Variants in MYO9A observed in about 807,000 individuals in gnomAD.
The protein encoded by MYO9A is unconventional myosin-IXa.
MYO9A carries 103 observed loss-of-function variants against 293.3 expected under a neutral mutation model. The observed-to-expected ratio is 0.35, with a 90% CI of 0.30 to 0.41. The LOEUF is 0.41. Among genes scored for constraint, MYO9A ranks in the 10% least tolerant of loss-of-function variants. MYO9A has a pLI of 1.00. For synonymous variants in MYO9A, 1,001 were observed against 1,035.7 expected, an observed-to-expected ratio of 0.97 and a Z score of 0.64; for missense variants, 2,685 against 3,033.0, an observed-to-expected ratio of 0.89 and a Z score of 2.69.
chr15:72,009,634 A>G (rs189759109), intron 7 of MYO9A, among the ~76,000 whole-genome samples: 267 of 152,036 alleles, frequency 1.8e-3, no homozygotes, highest in African/African-American at 6.1e-3. Context: ...GGATCATCTG[A>G]GCCTGGGGAG....
At chr15:72,032,399 A>G in intron 3 of MYO9A, 95 bp downstream of exon 3, 1 of 723,898 alleles carries the variant, frequency 1.4e-6, no homozygotes, top group Non-Finnish European at 2.1e-6. Flanking sequence ...GCTGACACCA[A>G]TGTCTGGGAA....
intron 37 of MYO9A, among the ~76,000 whole-genome samples, chr15:71,850,431 T>C (rs972719069): frequency 9.2e-5 from 14 of 152,154 alleles, no homozygotes; most frequent in Non-Finnish European, 1.6e-4. Context: ...ATTTGTGACC[T>C]ACCTGCTCTA....
chr15:72,091,861 C>T (rs1303105349), intron 1 of MYO9A, among the ~76,000 whole-genome samples: 1 of 151,884 alleles, frequency 6.6e-6, no homozygotes, highest in Non-Finnish European at 1.5e-5. Context: ...ACTACAGGTG[C>T]CCGCCACCAC....
intron 15 of MYO9A, among the ~76,000 whole-genome samples, chr15:71,944,939 A>C (rs149194894): frequency 1.8e-4 from 28 of 152,294 alleles, no homozygotes; most frequent in Non-Finnish European, 3.2e-4. Context: ...CATCTCAAAA[A>C]TACAAACATA....
intron 2 of MYO9A, among the ~76,000 whole-genome samples, chr15:72,042,183 CAAAAA>C (rs769890860): frequency 1.8e-5 from 1 of 55,362 alleles, no homozygotes; most frequent in Non-Finnish European, 3.9e-5. Context: ...AGATAGAATG[CAAAAA>C]AAAAAAAAAA....
In MYO9A at chr15:71,877,838, C is replaced by T. The variant is rs774693693; in HGVS notation, c.5931+202G>A. Among the ~76,000 whole-genome samples, 16 of 152,078 alleles carry T rather than the reference C, an allele frequency of 1.1e-4. No individual in the cohort carries two copies. In the South Asian group the frequency reaches 1.2e-3, roughly 12 times the overall value. On this transcript the variant is annotated intron_variant, in intron 31 of 41. Transcript: ENST00000356056. ...CAGTGAACAAAGTATTGATTACAGA[C>T]GGTTTAGAAAATATGGTCTGATAAA...
intron 1 of MYO9A, among the ~76,000 whole-genome samples, chr15:72,061,750 G>A (rs1334750959): frequency 1.3e-5 from 2 of 152,138 alleles, no homozygotes; most frequent in Admixed American, 1.3e-4. Context: ...GACTCACCCT[G>A]GGCCAGAAGG....
At chr15:72,018,461 C>T (rs1342018296) in intron 6 of MYO9A, among the ~76,000 whole-genome samples, 1 of 151,502 alleles carries the variant, frequency 6.6e-6, no homozygotes, top group East Asian at 1.9e-4. Flanking sequence ...GACTCTGTCA[C>T]AAAAAATAAA....
rs113825080 is a variant in MYO9A at position 71,900,066 on chromosome 15, GA to G, written c.3151-61del. 13 of 1,400,320 alleles carry G rather than the reference GA, an allele frequency of 9.3e-6. No homozygotes were observed. The Admixed American group carries it at 1.9e-4, about 21-fold the overall frequency. The allele number at this position is 1,400,320 out of a possible 1,614,324, so 86.7% of individuals were successfully genotyped here. ...CATATCTTACACTGCATTTTCACAG[GA>G]AAAAAAGAGAATAAATTTCTTATGT... is the stretch of plus-strand genomic sequence containing the variant. On this transcript the variant is annotated intron_variant, in intron 23 of 41. Coordinates refer to ENST00000356056, the MANE Select transcript of MYO9A (RefSeq NM_006901.4).
chr15:71,997,633 C>CA (rs963557091), intron 9 of MYO9A, among the ~76,000 whole-genome samples: 9 of 149,332 alleles, frequency 6.0e-5, no homozygotes, highest in South Asian at 4.2e-4. Context: ...CAAAAATAAA[C>CA]AAAAAAAAAG....
intron 39 of MYO9A, among the ~76,000 whole-genome samples, chr15:71,842,618 G>T (rs1046730737): frequency 6.6e-6 from 1 of 152,086 alleles, no homozygotes; most frequent in Non-Finnish European, 1.5e-5. Flanking sequence ...CCAGCATTTT[G>T]GGAGGCTGAG....
intron 1 of MYO9A, among the ~76,000 whole-genome samples, chr15:72,088,262 A>G (rs1383272584): frequency 6.6e-6 from 1 of 152,222 alleles, no homozygotes; most frequent in East Asian, 1.9e-4. Context: ...ACAATTATTA[A>G]TATGTTCAAC....
In MYO9A at chr15:71,962,863, C is replaced by T. The variant is rs374645726; in HGVS notation, c.1987-2767G>A. The stretch of plus-strand genomic sequence containing the variant: ...TCAAGTGTTGAGAGTGACCAGTGAC[C>T]TTCATTTTCAAAATGAAATAATCTG... On this transcript the variant is annotated intron_variant, in intron 13 of 41. Transcript: ENST00000356056. Among the ~76,000 whole-genome samples the T allele has an allele frequency of 5.9e-5, 9 of 152,244 alleles. No homozygotes were observed. In the South Asian group the frequency reaches 1.2e-3, roughly 21 times the overall value.
Position 71,898,136 on chromosome 15 carries a change from G to T in MYO9A, c.4367C>A (p.Thr1456Asn). The change falls in exon 25 of 42, where the codon ACT (threonine) becomes AAT (asparagine). Residue 1456 changes from threonine (T) to asparagine (N), a missense_variant. By Grantham distance (65) the Thr-to-Asn change is moderately conservative (BLOSUM62 0). Around this residue, in one of 10 missense-constraint regions of MYO9A, gnomAD observed 1,434 missense variants for 1,497.7 expected, o/e 0.96. Transcript: ENST00000356056. The stretch of plus-strand genomic sequence containing the variant: ...TCTAGTTTCCCTGTTGATATCCAAA[G>T]TAAGAGCTTCCCCCGCTGTGTCTTC... ...ENEDTAGEAL[T>N]LDINRETRRY... 1 of 1,614,102 alleles carries T rather than the reference G, an allele frequency of 6.2e-7. No homozygotes were observed.
At chr15:71,881,766 C>T (rs2056880559) in intron 28 of MYO9A, among the ~76,000 whole-genome samples, 2 of 152,084 alleles carry the variant, frequency 1.3e-5, no homozygotes, top group African/African-American at 4.8e-5. Context: ...ACAAAGTCTG[C>T]TTATAATATG....
At chr15:71,893,189 A>T in intron 26 of MYO9A, 4 of 1,259,390 alleles carry the variant, frequency 3.2e-6, no homozygotes, top group Non-Finnish European at 4.1e-6. Context: ...TGCTTGACCA[A>T]ATGATAAAAC....
intron 19 of MYO9A, among the ~76,000 whole-genome samples, chr15:71,909,096 T>C (rs1051426198): frequency 2.0e-5 from 3 of 152,214 alleles, no homozygotes; most frequent in Non-Finnish European, 4.4e-5. Flanking sequence ...AGCTCATTTC[T>C]TTTTAGTGTT....
chr15:72,067,464 G>A (rs995693327), intron 1 of MYO9A, among the ~76,000 whole-genome samples: 6 of 152,078 alleles, frequency 3.9e-5, no homozygotes, highest in African/African-American at 1.4e-4. Context: ...TGTATTTTTA[G>A]TAGAGACGGG....
At chr15:72,001,040 C>A (rs1334996740) in intron 8 of MYO9A, among the ~76,000 whole-genome samples, 2 of 152,118 alleles carry the variant, frequency 1.3e-5, no homozygotes, top group Non-Finnish European at 2.9e-5. Flanking sequence ...CTACCAAACT[C>A]CTATATATAA....
Sources: allele counts gnomAD v4.1 joint callset (sites outside exome capture counted in the v4.1 genomes callset), GRCh38; gene constraint gnomAD v4.1.1; regional missense constraint gnomAD v4.1.1; transcripts MANE v1.5; gene names NCBI Gene and HGNC (gene_info 2026-07-23, HGNC 2026-07-21).